Variants in CD163L1 observed in about 807,000 individuals in gnomAD.
CD163L1 encodes the protein scavenger receptor cysteine-rich type 1 protein M160.
A neutral mutation model predicts 165.4 loss-of-function variants in CD163L1; 124 were observed. That is an observed-to-expected ratio of 0.75 (90% CI 0.65 to 0.87). The LOEUF is 0.87. CD163L1 is among the 40% of genes least tolerant of loss of function. The pLI is 0.00. For missense variants in CD163L1, 1,525 were observed against 1,799.9 expected (o/e 0.85, Z 2.76); for synonymous variants, 585 against 662.2 (o/e 0.88, Z 1.79).
chr12:7,389,960 T>TTATATTTA (rs1555197841), intron 8 of CD163L1, among the ~76,000 whole-genome samples: 1 of 135,964 alleles, frequency 7.4e-6, no homozygotes, highest in Admixed American at 7.4e-5. Flanking sequence ...ATATATATAT[T>TTATATTTA]TATATATATA....
chr12:7,433,740 A>G (rs759192668), intron 2 of CD163L1, 46 bp from the exon 3 acceptor site: 21 of 1,421,028 alleles, frequency 1.5e-5, no homozygotes, highest in Non-Finnish European at 1.9e-5. Context: ...AAAGATTAGA[A>G]GGCAGAAATA....
chr12:7,421,469 A>G (rs1275074232), intron 4 of CD163L1, among the ~76,000 whole-genome samples: 1 of 88,758 alleles, frequency 1.1e-5, no homozygotes, highest in Non-Finnish European at 1.9e-5. Context: ...ATATACATAT[A>G]TATACATATA....
At position 7,369,002 on chromosome 12, in the gene CD163L1, C is replaced by T. The variant is rs201580844; in HGVS notation, c.4040-37G>A. On this transcript the variant is annotated intron_variant, in intron 15 of 19. Coordinates refer to ENST00000313599, the MANE Select transcript of CD163L1 (RefSeq NM_174941.6). The surrounding 1 kb of genome is among the most constrained non-coding windows in gnomAD (Gnocchi z 4.9). The stretch of plus-strand genomic sequence containing the variant: ...AGAGAGAGAGAGAGACGTAAATGAA[C>T]GAAAAGGAACTGGGTATTTCTTTTT... 1.4e-5 allele frequency: 22 copies of T among 1,601,776 alleles called. No individual in the cohort carries two copies. Among genetic ancestry groups the T allele is most frequent in the Non-Finnish European group, 1.7e-5 (20 of 1,171,866 alleles).
chr12:7,414,720 A>G (rs1413541316), intron 4 of CD163L1, among the ~76,000 whole-genome samples: 2 of 152,148 alleles, frequency 1.3e-5, no homozygotes, highest in Admixed American at 1.3e-4. Flanking sequence ...ACAGAAAACT[A>G]GCCACATGCA....
At position 7,433,648 on chromosome 12, in the gene CD163L1, G is replaced by C. The variant is rs1254024087; in HGVS notation, c.171C>G (p.Cys57Trp). Residue 57 changes from cysteine (C) to tryptophan (W), a missense_variant, in exon 3 of 20, where the codon TGC becomes TGG. Cys to Trp is a radical substitution (Grantham distance 215). Transcript: ENST00000313599. ...ELRLVNGDGP[C>W]SGTVEVKFQG... is the part of the protein sequence containing the mutation. ...GGAATTTCACCTCCACTGTCCCAGA[G>C]CAGGGACCGTCTCCATTGACCAGCC... The C allele has an allele frequency of 6.2e-7, 1 of 1,613,984 alleles. No homozygotes were observed. Among genetic ancestry groups the C allele is most frequent in the South Asian group, 1.1e-5 (1 of 91,020 alleles).
rs182294801 is a variant in CD163L1 at position 7,349,591 on chromosome 12, G to A, written c.*25-2444C>T. Among the ~76,000 whole-genome samples, 153 of 152,292 alleles carry A rather than the reference G, an allele frequency of 1.0e-3. 1 individual carries two copies. Among genetic ancestry groups the A allele is most frequent in the Non-Finnish European group, 4.4e-4 (30 of 68,016 alleles). ...GGTGGGAGAATGAAAAGATGTATAA[G>A]GGTCATATCCTACAATTGTCGTGGC... On this transcript the variant is annotated intron_variant, in intron 4 of 4. Transcript: ENST00000539726.
At chr12:7,421,526 T>C (rs1396803242) in intron 4 of CD163L1, among the ~76,000 whole-genome samples, 4 of 124,592 alleles carry the variant, frequency 3.2e-5, no homozygotes, top group East Asian at 2.2e-4. Flanking sequence ...TATATGTACA[T>C]ATATACATAT....
intron 8 of CD163L1, among the ~76,000 whole-genome samples, chr12:7,389,332 G>T (rs1164394278): frequency 1.3e-5 from 2 of 152,104 alleles, no homozygotes; most frequent in Non-Finnish European, 2.9e-5. Context: ...TTGTATTTTT[G>T]ATTTGCACTT....
intron 8 of CD163L1, among the ~76,000 whole-genome samples, chr12:7,389,444 C>T (rs1332188107): frequency 2.6e-5 from 4 of 151,936 alleles, no homozygotes; most frequent in Non-Finnish European, 4.4e-5. Context: ...TCACTTATTT[C>T]TGGGATCTAA....
At position 7,415,832 on chromosome 12, in the gene CD163L1, G is replaced by A. The variant is rs1037843332; in HGVS notation, c.767-8980C>T. On this transcript the variant is annotated intron_variant, in intron 4 of 19. Transcript: ENST00000313599. ...TCTTTATCCAGTCTATCATTGATGG[G>A]CATTTAAGTTGGTTCCAAGTCTTTG... Among the ~76,000 whole-genome samples the A allele has an allele frequency of 1.2e-4, 18 of 152,210 alleles. 1 individual carries two copies. In the Middle Eastern group the frequency reaches 0.014, roughly 115 times the overall value.
rs1182192495 is a variant in CD163L1, at chr12:7,421,498, T to C, written c.766+10918A>G. On this transcript the variant is annotated intron_variant, in intron 4 of 19. Coordinates refer to ENST00000313599, the MANE Select transcript of CD163L1 (RefSeq NM_174941.6). Reference sequence around the variant, plus strand: ...ACATATATGTACATATATACATATATGTACATATACATATACATATATGTA... The same window carrying C: ...ACATATATGTACATATATACATATACGTACATATACATATACATATATGTA... Among the ~76,000 whole-genome samples, 57 of 80,372 alleles carry C rather than the reference T, an allele frequency of 7.1e-4. 1 individual carries two copies. The highest frequency in any genetic ancestry group is 1.9e-3 in the African/African-American group (28 of 15,068). 52.7% of individuals were successfully genotyped at this position (80,372 alleles called of 152,430 possible). A position where few individuals can be genotyped will look rare whatever the true frequency, so the allele number is the denominator to read the frequency against.
intron 8 of CD163L1, among the ~76,000 whole-genome samples, chr12:7,385,856 G>A (rs910190160): frequency 1.3e-5 from 2 of 151,716 alleles, no homozygotes; most frequent in African/African-American, 4.8e-5. Context: ...TACACCAATA[G>A]CACAGTTAAG....
At chr12:7,424,944 C>G (rs777902213) in intron 4 of CD163L1, among the ~76,000 whole-genome samples, 49 of 152,294 alleles carry the variant, frequency 3.2e-4, no homozygotes, top group African/African-American at 1.1e-3. Context: ...CCATTCCTAT[C>G]AAGCTACCAT....
At chr12:7,421,041 A>ATATATATACATATATATACGTG (rs1217962587) in intron 4 of CD163L1, among the ~76,000 whole-genome samples, 10 of 108,620 alleles carry the variant, frequency 9.2e-5, no homozygotes, top group East Asian at 3.3e-4. Flanking sequence ...ATATACGTGT[A>ATATATATACATATATATACGTG]TATATATGTA....
the CD163L1 span, chr12:7,320,915 C>T: frequency 2.1e-6 from 2 of 944,892 alleles, no homozygotes; most frequent in Admixed American, 2.0e-5. Flanking sequence ...CTTACCACCA[C>T]TGACATTTTG....
chr12:7,409,687 C>T (rs922192885), intron 4 of CD163L1, among the ~76,000 whole-genome samples: 25 of 152,162 alleles, frequency 1.6e-4, no homozygotes, highest in African/African-American at 4.1e-4. Context: ...AGACCCCTGT[C>T]GTAAAGGGTA....
the CD163L1 span, among the ~76,000 whole-genome samples, chr12:7,335,262 C>A: frequency 1.3e-5 from 2 of 152,278 alleles, no homozygotes; most frequent in Non-Finnish European, 2.9e-5. Flanking sequence ...CTGCAGTAAC[C>A]AAAACAGCAT....
rs1947090557 is a variant in CD163L1, at chr12:7,369,132, C to T, written c.4040-167G>A. ...AGTCAGAATCCTCTTGCTTCAAAGT[C>T]TAAGGCCAAATCCACCTTTCTTCCC... On this transcript the variant is annotated intron_variant, in intron 15 of 19. Transcript: ENST00000313599. This position sits in a 1 kb window ranked among gnomAD's most constrained non-coding sequence, Gnocchi z 4.9. Among the ~76,000 whole-genome samples, 1 of 152,206 alleles carries T rather than the reference C, an allele frequency of 6.6e-6. No individual in the cohort carries two copies. The highest frequency in any genetic ancestry group is 2.1e-4 in the South Asian group (1 of 4,832).
chr12:7,395,816 T>C (rs1198524681), intron 8 of CD163L1, among the ~76,000 whole-genome samples: 1 of 152,184 alleles, frequency 6.6e-6, no homozygotes, highest in East Asian at 1.9e-4. Flanking sequence ...TATTTGACTA[T>C]GGATAATGTC....
Sources: gnomAD v4.1 joint callset for allele counts (sites outside exome capture counted in the v4.1 genomes callset) on GRCh38, gnomAD v4.1.1 for gene constraint, Gnocchi (gnomAD v3.1) non-coding constraint, MANE v1.5 for transcripts, NCBI Gene and HGNC (gene_info 2026-07-23, HGNC 2026-07-21) for gene names.